Variants in ADCY8 observed in about 807,000 individuals in gnomAD.
ADCY8 encodes the protein adenylate cyclase type 8.
Under a neutral mutation model 119.7 loss-of-function variants are expected in ADCY8, and 51 were observed. The ratio of observed to expected loss-of-function variants is 0.43; its 90% CI spans 0.34 to 0.54. The LOEUF (loss-of-function observed/expected upper bound fraction) is 0.54, where lower values mean the gene tolerates loss of function less well. Among genes scored for constraint, ADCY8 ranks in the 20% least tolerant of loss-of-function variants. The pLI is 0.03. For missense variants in ADCY8, 1,383 were observed against 1,598.8 expected (o/e 0.87, Z 2.30); for synonymous variants, 665 against 651.0 (o/e 1.02, Z -0.33).
chr8:130,906,926 G>A (rs1042820886), intron 6 of ADCY8, among the ~76,000 whole-genome samples: 3 of 151,628 alleles, frequency 2.0e-5, no homozygotes, highest in Non-Finnish European at 4.4e-5. Flanking sequence ...TGCTGAAACT[G>A]GCCCAGAAGT....
chr8:130,802,459 C>A (rs1227345685), intron 14 of ADCY8, among the ~76,000 whole-genome samples: 3 of 152,214 alleles, frequency 2.0e-5, no homozygotes, highest in African/African-American at 7.2e-5. Context: ...CTTCACACAG[C>A]AGCCAGAGTG....
chr8:131,009,855 G>A (rs1028945), intron 1 of ADCY8, among the ~76,000 whole-genome samples: 88,069 of 152,034 alleles, frequency 0.58, 26,825 homozygotes, highest in East Asian at 0.78. Context: ...AAGAAAATGC[G>A]GGAAGCATTT....
At chr8:131,002,183 T>A (rs1220602864) in intron 1 of ADCY8, among the ~76,000 whole-genome samples, 1 of 152,256 alleles carries the variant, frequency 6.6e-6, no homozygotes, top group African/African-American at 2.4e-5. Context: ...CTCAAAATGT[T>A]GGATAATCAA....
At chr8:130,814,297 C>T in intron 13 of ADCY8, 70 bp from the exon 14 acceptor site, 1 of 1,535,888 alleles carries the variant, frequency 6.5e-7, no homozygotes, top group East Asian at 2.3e-5. Flanking sequence ...GCACAGACAA[C>T]TGGGAGGCAG....
intron 1 of ADCY8, among the ~76,000 whole-genome samples, chr8:131,011,079 A>T (rs1039141313): frequency 1.3e-5 from 2 of 152,188 alleles, no homozygotes; most frequent in Non-Finnish European, 2.9e-5. Flanking sequence ...TACCTTGGAA[A>T]ATCCAGTCTT....
chr8:130,791,239 C>T (rs1437557253), intron 15 of ADCY8, among the ~76,000 whole-genome samples: 1 of 152,126 alleles, frequency 6.6e-6, no homozygotes, highest in Admixed American at 6.5e-5. Context: ...TGGGTGGAGT[C>T]AGGGAAAAGG....
chr8:130,793,224 TCTC>T (rs1815477685), intron 15 of ADCY8, among the ~76,000 whole-genome samples: 1 of 152,074 alleles, frequency 6.6e-6, no homozygotes, highest in Non-Finnish European at 1.5e-5. Flanking sequence ...CACGTCCTCA[TCTC>T]CTCCAGGCCT....
At chr8:130,848,016 T>C (rs1254851433) in intron 10 of ADCY8, among the ~76,000 whole-genome samples, 1 of 152,216 alleles carries the variant, frequency 6.6e-6, no homozygotes, top group Non-Finnish European at 1.5e-5. Context: ...ATAACTACCA[T>C]TGGCCAAATG....
intron 1 of ADCY8, among the ~76,000 whole-genome samples, chr8:131,037,773 G>A (rs995456654): frequency 8.5e-5 from 13 of 152,176 alleles, no homozygotes; most frequent in African/African-American, 3.1e-4. Context: ...AGATTTAGAT[G>A]TACTGGCATG....
At chr8:130,983,731 C>T (rs1822309855) in intron 2 of ADCY8, among the ~76,000 whole-genome samples, 1 of 152,102 alleles carries the variant, frequency 6.6e-6, no homozygotes, top group African/African-American at 2.4e-5. Flanking sequence ...CCAAATTAGG[C>T]ACTAAGAAGA....
chr8:130,940,615 A>G (rs752617077), intron 4 of ADCY8, among the ~76,000 whole-genome samples: 1 of 152,234 alleles, frequency 6.6e-6, no homozygotes, highest in African/African-American at 2.4e-5. Flanking sequence ...ATCAAATACT[A>G]TGAGCTGTCA....
At chr8:130,797,407 T>C (rs770687406) in intron 15 of ADCY8, among the ~76,000 whole-genome samples, 5 of 152,194 alleles carry the variant, frequency 3.3e-5, no homozygotes, top group African/African-American at 4.8e-5. Flanking sequence ...ATATTTTTAA[T>C]AGGGTAATTA....
At chr8:130,807,845 G>A (rs1196255582) in intron 14 of ADCY8, among the ~76,000 whole-genome samples, 3 of 148,800 alleles carry the variant, frequency 2.0e-5, no homozygotes, top group Admixed American at 6.8e-5. Context: ...TTAGCCGGGC[G>A]TAGTGGCGGG....
At chr8:130,847,274 A>G (rs570409152) in intron 11 of ADCY8, 150 bp downstream of exon 11, 2 of 576,882 alleles carry the variant, frequency 3.5e-6, no homozygotes, top group African/African-American at 3.8e-5. Flanking sequence ...AGAAAAGGGA[A>G]AGAAGAAGAA....
chr8:131,037,400 T>C (rs1256198136), intron 1 of ADCY8, among the ~76,000 whole-genome samples: 1 of 152,194 alleles, frequency 6.6e-6, no homozygotes, highest in East Asian at 1.9e-4. Flanking sequence ...ACTTTCTGGA[T>C]TCACTTGGCA....
At chr8:130,984,479 GTTT>G (rs34093565) in intron 2 of ADCY8, among the ~76,000 whole-genome samples, 1,808 of 145,302 alleles carry the variant, frequency 0.012, 46 homozygotes, top group African/African-American at 0.042. Context: ...AGTTTGTTTA[GTTT>G]TTTTTTTTTT....
At chr8:130,969,313 A>G (rs1034975359) in intron 2 of ADCY8, among the ~76,000 whole-genome samples, 1 of 152,166 alleles carries the variant, frequency 6.6e-6, no homozygotes, top group Non-Finnish European at 1.5e-5. Context: ...CTCTTTCCTC[A>G]GTTTCCAGTC....
At chr8:131,034,805 C>T (rs1230571204) in intron 1 of ADCY8, among the ~76,000 whole-genome samples, 1 of 152,114 alleles carries the variant, frequency 6.6e-6, no homozygotes, top group Non-Finnish European at 1.5e-5. Flanking sequence ...AAGAGGGAAC[C>T]ATAATGCAGC....
At chr8:130,972,695 G>T (rs553844828) in intron 2 of ADCY8, among the ~76,000 whole-genome samples, 1 of 152,236 alleles carries the variant, frequency 6.6e-6, no homozygotes, top group Non-Finnish European at 1.5e-5. Context: ...TTTCCTGGCG[G>T]TCATTTAGGA....
Sources: gnomAD v4.1 joint callset for allele counts (sites outside exome capture counted in the v4.1 genomes callset) on GRCh38, gnomAD v4.1.1 for gene constraint, MANE v1.5 for transcripts, NCBI Gene and HGNC (gene_info 2026-07-23, HGNC 2026-07-21) for gene names.